Variants in KALRN observed in about 807,000 individuals in gnomAD.
The protein encoded by KALRN is kalirin.
In KALRN, 70 loss-of-function variants were observed where a neutral mutation model predicts 353.7. That is an observed-to-expected ratio of 0.20 (90% confidence interval 0.16 to 0.24). The LOEUF (loss-of-function observed/expected upper bound fraction) is 0.24, where lower values mean the gene tolerates loss of function less well. Among genes scored for constraint, KALRN ranks in the 10% least tolerant of loss-of-function variants. The pLI is 1.00. For missense variants in KALRN, 2,791 were observed against 3,756.7 expected (o/e 0.74, Z 6.72); for synonymous variants, 1,391 against 1,434.8 (o/e 0.97, Z 0.69).
intron 19 of KALRN, among the ~76,000 whole-genome samples, chr3:124,443,276 T>C (rs1162615673): frequency 2.6e-5 from 4 of 152,244 alleles, no homozygotes; most frequent in African/African-American, 7.2e-5. Flanking sequence ...AAATGTCATC[T>C]TGCCAAGGCA....
At chr3:124,238,169 C>A (rs2080016742) in intron 3 of KALRN, among the ~76,000 whole-genome samples, 3 of 152,108 alleles carry the variant, frequency 2.0e-5, no homozygotes, top group African/African-American at 4.8e-5. Flanking sequence ...CACATTAAGG[C>A]ACCCACAATC....
At chr3:124,656,512 G>A (rs900928200) in intron 39 of KALRN, among the ~76,000 whole-genome samples, 3 of 152,216 alleles carry the variant, frequency 2.0e-5, no homozygotes, top group South Asian at 4.1e-4. Context: ...TCAGGAGGCC[G>A]AGGCAGGAGA....
In KALRN at chr3:124,333,006, T is replaced by C. The variant is rs1266842947; in HGVS notation, c.1417-1259T>C. Among the ~76,000 whole-genome samples, 3 of 152,154 alleles carry C rather than the reference T, an allele frequency of 2.0e-5. No homozygotes were observed. The East Asian group carries it at 5.8e-4, about 29-fold the overall frequency. ...GGTTTGATGCACTCACAGTTTCACA[T>C]GGCCATGGAGGCCTCACAATCATGG... On this transcript the variant is annotated intron_variant, in intron 8 of 59. Transcript: ENST00000682506.
intron 5 of KALRN, among the ~76,000 whole-genome samples, chr3:124,279,888 G>A (rs9813330): frequency 1.3e-5 from 2 of 152,194 alleles, no homozygotes; most frequent in Admixed American, 1.3e-4. Context: ...GGTTTGGGAT[G>A]CAGGGAGATG....
At chr3:124,218,366 TGC>T (rs1389916569) in intron 1 of KALRN, among the ~76,000 whole-genome samples, 2 of 152,206 alleles carry the variant, frequency 1.3e-5, no homozygotes, top group Admixed American at 1.3e-4. Context: ...TGTCTGAACT[TGC>T]ACAGCACACA....
At chr3:124,054,317 G>A (rs1478001140) in intron 1 of KALRN, among the ~76,000 whole-genome samples, 1 of 115,866 alleles carries the variant, frequency 8.6e-6, no homozygotes, top group African/African-American at 3.0e-5. Context: ...GAGCCCGGGA[G>A]TTCAAGACCA....
At chr3:124,375,916 T>A (rs1243149960) in intron 10 of KALRN, among the ~76,000 whole-genome samples, 3 of 152,126 alleles carry the variant, frequency 2.0e-5, no homozygotes, top group Non-Finnish European at 4.4e-5. Context: ...TACTATAATT[T>A]TCTCAGAATT....
intron 23 of KALRN, among the ~76,000 whole-genome samples, chr3:124,458,308 C>T (rs1280593498): frequency 6.7e-6 from 1 of 149,966 alleles, no homozygotes; most frequent in Non-Finnish European, 1.5e-5. Context: ...AGAATGCTCT[C>T]CTTTCTGTTT....
intron 34 of KALRN, among the ~76,000 whole-genome samples, chr3:124,626,276 G>C (rs2079941743): frequency 6.6e-6 from 1 of 152,142 alleles, no homozygotes; most frequent in South Asian, 2.1e-4. Flanking sequence ...ATGCACACTA[G>C]CTTCAGAAGA....
chr3:124,464,244 T>TA (rs1344839316), intron 25 of KALRN, among the ~76,000 whole-genome samples: 1 of 152,210 alleles, frequency 6.6e-6, no homozygotes, highest in Non-Finnish European at 1.5e-5. Context: ...CCCATGTTCT[T>TA]AGCCAATTGA....
chr3:124,700,100 C>A, intron 56 of KALRN, 67 bp downstream of exon 56: 1 of 1,498,032 alleles, frequency 6.7e-7, no homozygotes, highest in Non-Finnish European at 9.2e-7. Flanking sequence ...CTGTCACAGA[C>A]TCCTGGGCAC....
intron 33 of KALRN, among the ~76,000 whole-genome samples, chr3:124,543,049 C>A (rs951905019): frequency 6.6e-6 from 1 of 152,124 alleles, no homozygotes; most frequent in Non-Finnish European, 1.5e-5. Flanking sequence ...TCTCACCTTG[C>A]GGACCTCTCT....
intron 5 of KALRN, among the ~76,000 whole-genome samples, chr3:124,282,379 C>CTTTTTTTT (rs34148546): frequency 2.2e-5 from 3 of 134,806 alleles, no homozygotes; most frequent in Non-Finnish European, 1.6e-5. Flanking sequence ...CTACATTTTT[C>CTTTTTTTT]TTTTTTTTTT....
intron 10 of KALRN, among the ~76,000 whole-genome samples, chr3:124,348,959 TCCAC>T (rs1200633857): frequency 6.6e-6 from 1 of 152,146 alleles, no homozygotes; most frequent in African/African-American, 2.4e-5. Flanking sequence ...CCTCAAGTGA[TCCAC>T]CCACCTCAGC....
chr3:124,660,862 C>T, intron 43 of KALRN, 61 bp from the exon 44 acceptor site: 2 of 1,173,874 alleles, frequency 1.7e-6, no homozygotes, highest in Non-Finnish European at 2.6e-6. Context: ...TAAGTTTTTT[C>T]CCAGCTATTT....
At chr3:124,252,309 A>G (rs950308019) in intron 3 of KALRN, among the ~76,000 whole-genome samples, 1 of 152,002 alleles carries the variant, frequency 6.6e-6, no homozygotes, top group African/African-American at 2.4e-5. Flanking sequence ...AACGGCTAAG[A>G]TATCCAGCCG....
At chr3:124,693,922 G>T (rs2061938451) in intron 52 of KALRN, 91 bp downstream of exon 52, 1 of 882,654 alleles carries the variant, frequency 1.1e-6, no homozygotes, top group Admixed American at 2.4e-5. Context: ...GTAAGCAATG[G>T]TGATATAGTT....
chr3:124,159,565 C>A (rs1174378485), intron 1 of KALRN, among the ~76,000 whole-genome samples: 1 of 137,040 alleles, frequency 7.3e-6, no homozygotes, highest in African/African-American at 2.7e-5. Context: ...AGCCACTGCA[C>A]CTGGCTGGCT....
chr3:124,577,689 C>A (rs1157530145), intron 34 of KALRN, among the ~76,000 whole-genome samples: 1 of 152,060 alleles, frequency 6.6e-6, no homozygotes, highest in Admixed American at 6.5e-5. Flanking sequence ...GAGTTCAAGA[C>A]CAGCCTGGGC....
Sources: gnomAD v4.1 joint callset for allele counts (sites outside exome capture counted in the v4.1 genomes callset) on GRCh38, gnomAD v4.1.1 for gene constraint, MANE v1.5 for transcripts, NCBI Gene and HGNC (gene_info 2026-07-23, HGNC 2026-07-21) for gene names.